Variants in FREM1 observed in about 807,000 individuals in gnomAD.
FREM1 encodes the protein FRAS1-related extracellular matrix protein 1.
In FREM1, 220 loss-of-function variants were observed where a neutral mutation model predicts 210.1. The ratio of observed to expected loss-of-function variants is 1.05; its 90% CI spans 0.94 to 1.17. The LOEUF is 1.17. Ranked by LOEUF, FREM1 falls within the 50% of genes most tolerant of loss-of-function variation. The pLI is 0.00. For synonymous variants in FREM1, 1,189 were observed against 980.2 expected (o/e 1.21, Z -3.98); for missense variants, 3,454 against 2,675.5 (o/e 1.29, Z -6.42).
At chr9:14,749,181 A>C (rs1563827111) in intron 30 of FREM1, among the ~76,000 whole-genome samples, 1 of 152,184 alleles carries the variant, frequency 6.6e-6, no homozygotes, top group African/African-American at 2.4e-5. Flanking sequence ...GGAAGGCATA[A>C]AAAATTTGAG....
At chr9:14,860,579 A>ATGTG (rs1829688064) in intron 3 of FREM1, among the ~76,000 whole-genome samples, 3 of 140,280 alleles carry the variant, frequency 2.1e-5, no homozygotes, top group African/African-American at 8.6e-5. Context: ...ACACATATAT[A>ATGTG]TACACATATA....
intron 1 of FREM1, among the ~76,000 whole-genome samples, chr9:14,889,628 C>T (rs1836430257): frequency 6.6e-6 from 1 of 152,178 alleles, no homozygotes; most frequent in African/African-American, 2.4e-5. Flanking sequence ...ATATTCCTTT[C>T]AGCATTTCCT....
At chr9:14,808,605 A>C (rs1213268862) in intron 16 of FREM1, among the ~76,000 whole-genome samples, 1 of 152,256 alleles carries the variant, frequency 6.6e-6, no homozygotes, top group African/African-American at 2.4e-5. Context: ...GAGGATGTTG[A>C]ATAGGTGAAA....
chr9:14,881,639 C>T (rs1834811006), intron 1 of FREM1, among the ~76,000 whole-genome samples: 1 of 152,214 alleles, frequency 6.6e-6, no homozygotes, highest in South Asian at 2.1e-4. Context: ...AACTTAGTAA[C>T]TCTCTTCCAA....
At chr9:14,753,186 T>C (rs1016956873) in intron 29 of FREM1, among the ~76,000 whole-genome samples, 40 of 152,216 alleles carry the variant, frequency 2.6e-4, no homozygotes, top group Middle Eastern at 3.2e-3. Flanking sequence ...CAAAAGGTGC[T>C]GAAGAGAAAA....
intron 10 of FREM1, among the ~76,000 whole-genome samples, chr9:14,825,548 T>TGTGTATATATATAC (rs1554685284): frequency 2.3e-5 from 1 of 43,316 alleles, no homozygotes; most frequent in African/African-American, 7.2e-5. Flanking sequence ...TGTGTGTGTG[T>TGTGTATATATATAC]ATATATATAT....
At chr9:14,878,341 A>T (rs954955449) in intron 1 of FREM1, among the ~76,000 whole-genome samples, 1 of 150,420 alleles carries the variant, frequency 6.6e-6, no homozygotes, top group South Asian at 2.1e-4. Flanking sequence ...TCTCTCCCCC[A>T]CTAAAGCCTC....
rs1182354258 is a variant in FREM1, at chr9:14,836,834, C to G, written c.1881+4613G>C. Among the ~76,000 whole-genome samples the G allele has an allele frequency of 1.3e-5, 2 of 152,216 alleles. No homozygotes were observed. The highest frequency in any genetic ancestry group is 6.5e-5 in the Admixed American group (1 of 15,290). ...GAAGTAGCCAGAAAGAGTCTTCGCC[C>G]AAAACCCCCTAACTGCAGTTAGTGT... On this transcript the variant is annotated intron_variant, in intron 10 of 36. Coordinates refer to ENST00000380880, the MANE Select transcript of FREM1 (RefSeq NM_001379081.2). This position sits in a 1 kb window ranked among gnomAD's most constrained non-coding sequence, Gnocchi z 4.9.
chr9:14,837,124 A>C (rs1374367240), intron 10 of FREM1, among the ~76,000 whole-genome samples: 4 of 152,080 alleles, frequency 2.6e-5, no homozygotes, highest in Non-Finnish European at 4.4e-5. Context: ...GGCCGCCCCC[A>C]CATATCCCCA....
At chr9:14,904,187 C>T (rs1040070768) in intron 1 of FREM1, among the ~76,000 whole-genome samples, 6 of 150,664 alleles carry the variant, frequency 4.0e-5, no homozygotes, top group Non-Finnish European at 7.4e-5. Flanking sequence ...TGACTAGTTT[C>T]CTCCTTAAAA....
chr9:14,755,064 C>A (rs995133005), intron 29 of FREM1, among the ~76,000 whole-genome samples: 1 of 152,206 alleles, frequency 6.6e-6, no homozygotes, highest in Non-Finnish European at 1.5e-5. Flanking sequence ...ACCCAGCCAC[C>A]GGAAGCATGG....
At chr9:14,841,685 T>A in intron 9 of FREM1, 96 bp from the exon 10 acceptor site, 1 of 872,010 alleles carries the variant, frequency 1.1e-6, no homozygotes, top group Non-Finnish European at 1.6e-6. Context: ...CTTATCTGTC[T>A]AGTACATTCT....
intron 14 of FREM1, 131 bp downstream of exon 14, chr9:14,819,103 G>A (rs1038254708): frequency 2.4e-5 from 13 of 551,884 alleles, no homozygotes; most frequent in African/African-American, 1.1e-4. Context: ...CAACTGACCC[G>A]TTGAGTGTGT....
chr9:14,824,403 G>C lies in FREM1; in HGVS notation c.2079-288C>G, dbSNP rs567501994. Among the ~76,000 whole-genome samples the C allele has an allele frequency of 2.3e-4, 35 of 152,266 alleles. No individual in the cohort carries two copies. The East Asian group carries it at 6.6e-3, about 29-fold the overall frequency. On this transcript the variant is annotated intron_variant, in intron 11 of 36. Transcript: ENST00000380880. ...TCTTGCTCTCATGCATACGATACTA[G>C]CATAACGTATATTCATGCCATTTTT...
intron 1 of FREM1, 107 bp downstream of exon 1, chr9:14,909,807 G>C (rs1818426154): frequency 6.6e-6 from 1 of 152,220 alleles, no homozygotes; most frequent in East Asian, 1.9e-4. Flanking sequence ...CAGATGCTTT[G>C]CATTGTTACT....
At position 14,805,778 on chromosome 9, in the gene FREM1, G is replaced by A. The variant is rs1818237504; in HGVS notation, c.3275-626C>T. Among the ~76,000 whole-genome samples the A allele has an allele frequency of 2.0e-5, 3 of 152,212 alleles. No homozygotes were observed. The South Asian group carries it at 6.2e-4, about 31-fold the overall frequency. ...GGACATTCTTCAAAAGGGGTTTGGA[G>A]AATCATTTATATGTCTTTGGAAGAC... On this transcript the variant is annotated intron_variant, in intron 18 of 36. Transcript: ENST00000380880.
chr9:14,885,881 A>G (rs10124055), intron 1 of FREM1, among the ~76,000 whole-genome samples: 2,898 of 152,212 alleles, frequency 0.019, 101 homozygotes, highest in African/African-American at 0.065. Flanking sequence ...TCTCTTAGCA[A>G]TTTTCAACTA....
intron 25 of FREM1, among the ~76,000 whole-genome samples, chr9:14,771,817 A>G (rs1212756480): frequency 6.6e-6 from 1 of 152,204 alleles, no homozygotes; most frequent in South Asian, 2.1e-4. Context: ...TCAAAAGAAT[A>G]AGGGAGAAAA....
chr9:14,817,389 C>T (rs902082606), intron 14 of FREM1, among the ~76,000 whole-genome samples: 4 of 152,212 alleles, frequency 2.6e-5, no homozygotes, highest in Admixed American at 2.6e-4. Context: ...TTCTCCTCTT[C>T]CATTGACTAG....
Sources: allele counts gnomAD v4.1 joint callset (sites outside exome capture counted in the v4.1 genomes callset), GRCh38; gene constraint gnomAD v4.1.1; non-coding constraint Gnocchi (gnomAD v3.1); transcripts MANE v1.5; gene names NCBI Gene and HGNC (gene_info 2026-07-23, HGNC 2026-07-21).